Variants in SEC31A observed in about 807,000 individuals in gnomAD.
SEC31A encodes SEC31 homolog A, COPII component.
Under a neutral mutation model 151.0 loss-of-function variants are expected in SEC31A, and 70 were observed. The observed-to-expected ratio is 0.46, with a 90% CI of 0.38 to 0.57. SEC31A has a LOEUF of 0.57. SEC31A is among the 20% of genes least tolerant of loss of function. The pLI is 0.00. For missense variants in SEC31A, 1,330 were observed against 1,471.2 expected (o/e 0.90, Z 1.57); for synonymous variants, 475 against 505.9 (o/e 0.94, Z 0.82).
intron 4 of SEC31A, chr4:82,878,127 G>A (rs1738423823): frequency 6.6e-6 from 1 of 152,318 alleles, no homozygotes; most frequent in South Asian, 2.1e-4. Flanking sequence ...ACTTTTAAAA[G>A]GCAAGGTTTC....
intron 7 of SEC31A, among the ~76,000 whole-genome samples, chr4:82,871,070 G>A (rs1736544248): frequency 6.6e-6 from 1 of 152,064 alleles, no homozygotes; most frequent in South Asian, 2.1e-4. Flanking sequence ...TGTAGTTCCA[G>A]GCATACTCAT....
Position 82,861,790 on chromosome 4 carries a change from C to T in SEC31A, c.1549-82G>A. The T allele has an allele frequency of 3.7e-6, 3 of 814,842 alleles. No homozygotes were observed. In the South Asian group the frequency reaches 5.4e-5, roughly 15 times the overall value. The allele number at this position is 814,842 out of a possible 1,614,324, so 50.5% of individuals were successfully genotyped here. On this transcript the variant is annotated intron_variant, in intron 13 of 26. Transcript: ENST00000395310. ...TTAGTGAACCAGGAAGACAAAAGAC[C>T]CAACCAACAACATTCAGAGCTAGTT...
In SEC31A at chr4:82,848,803, C is replaced by T. The variant is rs1730795931; in HGVS notation, c.2502+1G>A. 2 of 1,609,606 alleles carry T rather than the reference C, an allele frequency of 1.2e-6. No individual in the cohort carries two copies. The highest frequency in any genetic ancestry group is 1.7e-6 in the Non-Finnish European group (2 of 1,178,636). ...TACTTCATCTGGACCATATCACTCA[C>T]ATGGGGATAATATTGTTGAGTTTGA... On this transcript the variant is annotated splice_donor_variant, in intron 20 of 26. Coordinates refer to ENST00000395310, the MANE Select transcript of SEC31A (RefSeq NM_001077207.4). LOFTEE classifies it high-confidence loss of function.
chr4:82,852,560 A>G (rs1301257414), intron 18 of SEC31A, among the ~76,000 whole-genome samples: 3 of 147,552 alleles, frequency 2.0e-5, no homozygotes, highest in Admixed American at 1.3e-4. Flanking sequence ...AGAAGCTCTT[A>G]AAAGGAAAAC....
At chr4:82,852,270 C>G (rs1731613763) in intron 18 of SEC31A, among the ~76,000 whole-genome samples, 1 of 152,208 alleles carries the variant, frequency 6.6e-6, no homozygotes, top group South Asian at 2.1e-4. Flanking sequence ...TATAAACTAC[C>G]CAGTCTTGGG....
At chr4:82,843,826 C>T (rs1425823131) in intron 21 of SEC31A, 1 of 152,176 alleles carries the variant, frequency 6.6e-6, no homozygotes, top group East Asian at 1.9e-4. Flanking sequence ...AAACTGTGGA[C>T]TTTGGGTGAT....
At chr4:82,857,881 C>T in intron 14 of SEC31A, 117 bp from the exon 15 acceptor site, 1 of 622,948 alleles carries the variant, frequency 1.6e-6, no homozygotes, top group Admixed American at 2.8e-5. Context: ...CCAAGTTATT[C>T]CAGAAAAGTT....
At chr4:82,828,283 T>C (rs1725084339) in intron 23 of SEC31A, among the ~76,000 whole-genome samples, 1 of 152,168 alleles carries the variant, frequency 6.6e-6, no homozygotes, top group African/African-American at 2.4e-5. Flanking sequence ...TGGGCGTGTA[T>C]GTGCACATGT....
upstream of SEC31A, among the ~76,000 whole-genome samples, chr4:82,892,735 TTG>T (rs1491178574): frequency 1.1e-4 from 16 of 152,150 alleles, no homozygotes; most frequent in South Asian, 2.1e-4. Context: ...CATCTTTTTT[TTG>T]GGGGGGGGGG....
chr4:82,868,519 T>TAAA (rs35531037), intron 8 of SEC31A, among the ~76,000 whole-genome samples: 2 of 109,464 alleles, frequency 1.8e-5, no homozygotes, highest in Non-Finnish European at 4.6e-5. Flanking sequence ...TTAATAGTAC[T>TAAA]AAAAAAAATA....
At chr4:82,828,886 C>T in intron 23 of SEC31A, 114 bp downstream of exon 23, 1 of 746,924 alleles carries the variant, frequency 1.3e-6, no homozygotes, top group Non-Finnish European at 2.3e-6. Flanking sequence ...ACTTTAAATA[C>T]ATCACTCAGT....
Position 82,878,048 on chromosome 4 carries a change from T to G in SEC31A, c.402+682A>C, listed in dbSNP as rs1179776494. Reference sequence around the variant, plus strand: ...ATTAATCTCTGTCATAAACATAAAATTTCTCAATTAATAAAACAGTGAATT... The same window carrying G: ...ATTAATCTCTGTCATAAACATAAAAGTTCTCAATTAATAAAACAGTGAATT... On this transcript the variant is annotated intron_variant, in intron 4 of 26. Transcript: ENST00000395310. 4 of 152,168 alleles carry G rather than the reference T, an allele frequency of 2.6e-5. No individual in the cohort carries two copies. In the South Asian group the frequency reaches 8.3e-4, roughly 32 times the overall value. The allele number at this position is 152,168 out of a possible 1,614,324, so 9.4% of individuals were successfully genotyped here.
In SEC31A at chr4:82,849,039, T is replaced by C; in HGVS notation, c.2329-62A>G. The C allele has an allele frequency of 2.1e-6, 3 of 1,402,232 alleles. No homozygotes were observed. In the South Asian group the frequency reaches 3.9e-5, roughly 18 times the overall value. The allele number at this position is 1,402,232 out of a possible 1,614,324, so 86.9% of individuals were successfully genotyped here. A position where few individuals can be genotyped will look rare whatever the true frequency, so the allele number is the denominator to read the frequency against. ...TTCACCCAGGTATATGACAGCATGT[T>C]AATTTTCTTAATCAGATTATTCATC... On this transcript the variant is annotated intron_variant, in intron 19 of 26. Transcript: ENST00000395310.
intron 16 of SEC31A, among the ~76,000 whole-genome samples, chr4:82,856,385 G>A (rs912231323): frequency 1.3e-5 from 2 of 151,144 alleles, no homozygotes; most frequent in Non-Finnish European, 1.5e-5. Context: ...TCCTGACCTC[G>A]TGACCCCCCC....
chr4:82,871,326 A>G, intron 7 of SEC31A: 4 of 1,506,190 alleles, frequency 2.7e-6, no homozygotes, highest in African/African-American at 1.4e-5. Context: ...ACACACACAC[A>G]CACACACACA....
At chr4:82,892,671 AAATCAAC>A (rs1463873882), upstream of SEC31A, among the ~76,000 whole-genome samples, 3 of 152,248 alleles carry the variant, frequency 2.0e-5, no homozygotes, top group Non-Finnish European at 4.4e-5. Flanking sequence ...GATCAGTAAC[AAATCAAC>A]AAACTTTGAA....
chr4:82,828,649 T>G (rs375349476), intron 23 of SEC31A, among the ~76,000 whole-genome samples: 1 of 70,070 alleles, frequency 1.4e-5, no homozygotes, highest in Admixed American at 2.4e-4. Flanking sequence ...TGATTACTAG[T>G]AGAACCCAAA....
chr4:82,886,969 G>A (rs978426645), intron 1 of SEC31A, among the ~76,000 whole-genome samples: 1 of 152,064 alleles, frequency 6.6e-6, no homozygotes, highest in Non-Finnish European at 1.5e-5. Context: ...GAGATATACA[G>A]AAAGTTTTGA....
chr4:82,876,464 G>A (rs115551089), intron 4 of SEC31A, among the ~76,000 whole-genome samples: 183 of 152,246 alleles, frequency 1.2e-3, no homozygotes, highest in African/African-American at 4.2e-3. Flanking sequence ...TTGTATCTTT[G>A]CATCTCTGGA....
Sources: allele counts gnomAD v4.1 joint callset (sites outside exome capture counted in the v4.1 genomes callset), GRCh38; gene constraint gnomAD v4.1.1; transcripts MANE v1.5; gene names NCBI Gene and HGNC (gene_info 2026-07-23, HGNC 2026-07-21).